MPPED1: variants seen among roughly 807,000 people sequenced by gnomAD.
The protein encoded by MPPED1 is metallophosphoesterase domain-containing protein 1.
A neutral mutation model predicts 36.2 loss-of-function variants in MPPED1; 16 were observed. The ratio of observed to expected loss-of-function variants is 0.44; its 90% CI spans 0.30 to 0.67. The LOEUF is 0.67. Ranked by LOEUF, MPPED1 falls within the 30% of genes least tolerant of loss-of-function variation. MPPED1 has a pLI of 0.10. For missense variants in MPPED1, 307 were observed against 453.4 expected (o/e 0.68, Z 2.93); for synonymous variants, 199 against 191.3 (o/e 1.04, Z -0.33).
At chr22:43,480,895 C>A (rs1400558393) in intron 4 of MPPED1, among the ~76,000 whole-genome samples, 1 of 150,628 alleles carries the variant, frequency 6.6e-6, no homozygotes, top group Non-Finnish European at 1.5e-5. Flanking sequence ...ATGATCTCGG[C>A]TCACTGCAAC....
At chr22:43,481,088 G>T (rs935055395) in intron 4 of MPPED1, among the ~76,000 whole-genome samples, 3 of 152,178 alleles carry the variant, frequency 2.0e-5, no homozygotes, top group Admixed American at 2.0e-4. Flanking sequence ...CTCCCAGAGT[G>T]CTGGGATTAT....
intron 4 of MPPED1, among the ~76,000 whole-genome samples, chr22:43,486,921 G>A (rs1931930012): frequency 6.6e-6 from 1 of 152,170 alleles, no homozygotes; most frequent in South Asian, 2.1e-4. Flanking sequence ...AGAGGTCTCA[G>A]AGAGTTCTCG....
Position 43,432,912 on chromosome 22 carries a change from GAA to G in MPPED1, c.225-2120_225-2119del, listed in dbSNP as rs1929809810. On this transcript the variant is annotated intron_variant, in intron 2 of 6. Coordinates refer to ENST00000443721, the MANE Select transcript of MPPED1 (RefSeq NM_001044370.2). The stretch of plus-strand genomic sequence containing the variant: ...AAGGGAGGAGAGAGAGAGGGAAAGA[GAA>G]AGGGAGGAGAGAGAGAGGGAAAGAG... Among the ~76,000 whole-genome samples the G allele has an allele frequency of 1.0e-4, 9 of 87,700 alleles. 1 individual carries two copies. In the East Asian group the frequency reaches 1.7e-3, roughly 16 times the overall value. 57.5% of individuals were successfully genotyped at this position (87,700 alleles called of 152,430 possible). A position where few individuals can be genotyped will look rare whatever the true frequency, so the allele number is the denominator to read the frequency against.
chr22:43,421,832 T>A (rs1929284964), intron 1 of MPPED1, among the ~76,000 whole-genome samples: 1 of 152,258 alleles, frequency 6.6e-6, no homozygotes, highest in African/African-American at 2.4e-5. Flanking sequence ...TTAGCTAACA[T>A]TTATTGACCA....
At chr22:43,459,970 A>T (rs2146865210) in intron 3 of MPPED1, among the ~76,000 whole-genome samples, 1 of 152,256 alleles carries the variant, frequency 6.6e-6, no homozygotes, top group East Asian at 1.9e-4. Flanking sequence ...GCACTTTGGG[A>T]GGCCAAGGCG....
chr22:43,456,368 T>A (rs1930754062), intron 3 of MPPED1, among the ~76,000 whole-genome samples: 1 of 152,186 alleles, frequency 6.6e-6, no homozygotes, highest in Admixed American at 6.5e-5. Flanking sequence ...CTTAGGTGAT[T>A]CTCCTGCCTC....
chr22:43,490,926 C>G (rs1167149323), intron 4 of MPPED1, among the ~76,000 whole-genome samples: 1 of 152,168 alleles, frequency 6.6e-6, no homozygotes, highest in East Asian at 1.9e-4. Context: ...ACTGGGGCAG[C>G]CTTGGGAGCT....
chr22:43,462,266 A>G (rs1226198721), intron 3 of MPPED1, among the ~76,000 whole-genome samples: 1 of 152,200 alleles, frequency 6.6e-6, no homozygotes, highest in African/African-American at 2.4e-5. Context: ...TATTTAATCA[A>G]CATTTTATTT....
At chr22:43,475,135 C>T (rs577547069) in intron 4 of MPPED1, among the ~76,000 whole-genome samples, 174 bp downstream of exon 4, 1 of 152,244 alleles carries the variant, frequency 6.6e-6, no homozygotes, top group Non-Finnish European at 1.5e-5. Context: ...CTCTCTGGGC[C>T]TGTTTTCCCA....
At chr22:43,456,193 CA>C (rs1930747134) in intron 3 of MPPED1, among the ~76,000 whole-genome samples, 1 of 152,316 alleles carries the variant, frequency 6.6e-6, no homozygotes, top group Admixed American at 6.5e-5. Flanking sequence ...ATAGAAATGG[CA>C]AGAGTGAATG....
At chr22:43,420,744 C>T (rs1929242248) in intron 1 of MPPED1, among the ~76,000 whole-genome samples, 1 of 152,198 alleles carries the variant, frequency 6.6e-6, no homozygotes. Flanking sequence ...CAAACCATCA[C>T]CCTGTTCTGT....
intron 3 of MPPED1, among the ~76,000 whole-genome samples, chr22:43,450,619 G>C (rs1045138416): frequency 2.0e-5 from 3 of 152,208 alleles, no homozygotes; most frequent in Non-Finnish European, 4.4e-5. Flanking sequence ...GCCTGGCATG[G>C]GGTAAATGCA....
In MPPED1 at chr22:43,502,735, T is replaced by C. The variant is rs770964230; in HGVS notation, c.840T>C (p.His280=). The C allele has an allele frequency of 2.5e-6, 4 of 1,613,278 alleles. No homozygotes were observed. In the East Asian group the frequency reaches 8.9e-5, roughly 36 times the overall value. Residue 280 remains histidine (H), a synonymous_variant, in exon 6 of 7, where the codon CAT becomes CAC. Transcript: ENST00000443721. This position sits in a 1 kb window ranked among gnomAD's most constrained non-coding sequence, Gnocchi z 5.5. ...TVQRRVQPRL[H]VFGHIHEGYG... is the part of the protein sequence containing the mutation. ...AGAGGCGCGTCCAGCCGCGGTTACA[T>C]GTCTTTGGCCACATCCACGAAGGTC...
At chr22:43,417,046 A>C (rs910468552) in intron 1 of MPPED1, 1 of 983,386 alleles carries the variant, frequency 1.0e-6, no homozygotes, top group African/African-American at 1.7e-5. Flanking sequence ...CCGAAATAAA[A>C]GTACATAATT....
intron 2 of MPPED1, among the ~76,000 whole-genome samples, chr22:43,430,399 A>G (rs1929632633): frequency 6.6e-6 from 1 of 152,202 alleles, no homozygotes; most frequent in Non-Finnish European, 1.5e-5. Flanking sequence ...CATGACAAAG[A>G]GGGAGTGGCT....
intron 3 of MPPED1, among the ~76,000 whole-genome samples, chr22:43,457,421 T>G (rs992993220): frequency 3.3e-5 from 5 of 152,180 alleles, no homozygotes; most frequent in African/African-American, 9.7e-5. Flanking sequence ...GTGTCTTTTA[T>G]AAACAGCATA....
chr22:43,501,449 C>T (rs570666762), intron 5 of MPPED1, among the ~76,000 whole-genome samples: 8 of 152,082 alleles, frequency 5.3e-5, no homozygotes, highest in African/African-American at 1.7e-4. Flanking sequence ...TGGCTTCCTG[C>T]TCTCCAGACG....
chr22:43,427,884 C>T (rs1929534283), intron 2 of MPPED1, among the ~76,000 whole-genome samples: 1 of 152,124 alleles, frequency 6.6e-6, no homozygotes, highest in Non-Finnish European at 1.5e-5. Context: ...CTAGTCCATG[C>T]ATTCTCAGTG....
chr22:43,421,066 C>T (rs1031556118), intron 1 of MPPED1, among the ~76,000 whole-genome samples: 2 of 152,268 alleles, frequency 1.3e-5, no homozygotes, highest in African/African-American at 4.8e-5. Flanking sequence ...GAGAGCCAGG[C>T]TGGGAGCCCA....
Sources: gnomAD v4.1 joint callset for allele counts (sites outside exome capture counted in the v4.1 genomes callset) on GRCh38, gnomAD v4.1.1 for gene constraint, Gnocchi (gnomAD v3.1) non-coding constraint, MANE v1.5 for transcripts, NCBI Gene and HGNC (gene_info 2026-07-23, HGNC 2026-07-21) for gene names.